Variants in WASF2 observed in about 807,000 individuals in gnomAD.
The protein encoded by WASF2 is actin-binding protein WASF2.
A neutral mutation model predicts 45.0 loss-of-function variants in WASF2; 14 were observed. The ratio of observed to expected loss-of-function variants is 0.31; its 90% CI spans 0.21 to 0.49. The LOEUF is 0.49. Ranked by LOEUF, WASF2 falls within the 20% of genes least tolerant of loss-of-function variation. The pLI is 0.99. For synonymous variants in WASF2, 200 were observed against 236.3 expected (o/e 0.85, Z 1.41); for missense variants, 439 against 636.1 (o/e 0.69, Z 3.33).
intron 1 of WASF2, among the ~76,000 whole-genome samples, chr1:27,451,964 G>A (rs2017389385): frequency 6.6e-6 from 1 of 152,174 alleles, no homozygotes; most frequent in Non-Finnish European, 1.5e-5. Flanking sequence ...ATTAGTAAAA[G>A]TTAAGTGAAT....
intron 1 of WASF2, among the ~76,000 whole-genome samples, chr1:27,482,095 T>C (rs946095051): frequency 6.6e-6 from 1 of 152,240 alleles, no homozygotes; most frequent in African/African-American, 2.4e-5. Context: ...AACTATACAT[T>C]TGAATTCTGT....
intron 1 of WASF2, among the ~76,000 whole-genome samples, chr1:27,447,082 G>C (rs2148122787): frequency 6.6e-6 from 1 of 152,302 alleles, no homozygotes; most frequent in Admixed American, 6.5e-5. Context: ...ATGTCTTCCA[G>C]AATGCAGGGA....
Position 27,405,393 on chromosome 1 carries a change from C to G in WASF2, c.*2796G>C, listed in dbSNP as rs1290803984. On this transcript the variant is annotated 3_prime_UTR_variant, in exon 9 of 9. Coordinates refer to ENST00000618852, the MANE Select transcript of WASF2 (RefSeq NM_006990.5). Reference sequence around the variant, plus strand: ...CAGGGCCACAGGAATGGGGGCAGGTCCCTTGGGCGGGGTGAACCAGGAAGG... The same window carrying G: ...CAGGGCCACAGGAATGGGGGCAGGTGCCTTGGGCGGGGTGAACCAGGAAGG... 4 of 152,268 alleles carry G rather than the reference C, an allele frequency of 2.6e-5. No individual in the cohort carries two copies. The highest frequency in any genetic ancestry group is 5.9e-5 in the Non-Finnish European group (4 of 68,120). The allele number at this position is 152,268 out of a possible 1,614,324, so 9.4% of individuals were successfully genotyped here. A position where few individuals can be genotyped will look rare whatever the true frequency, so the allele number is the denominator to read the frequency against.
At chr1:27,461,927 G>A (rs2017550992) in intron 1 of WASF2, among the ~76,000 whole-genome samples, 1 of 151,414 alleles carries the variant, frequency 6.6e-6, no homozygotes, top group Non-Finnish European at 1.5e-5. Context: ...CTCCCAAAGT[G>A]TGGAGATTAC....
At chr1:27,477,919 TA>T (rs559633033) in intron 1 of WASF2, among the ~76,000 whole-genome samples, 2,847 of 125,676 alleles carry the variant, frequency 0.023, 253 homozygotes, top group Non-Finnish European at 0.027. Flanking sequence ...AATAAATAAA[TA>T]AAAAAAAAAA....
chr1:27,417,109 G>A (rs1279024792), intron 4 of WASF2, among the ~76,000 whole-genome samples: 1 of 152,136 alleles, frequency 6.6e-6, no homozygotes, highest in African/African-American at 2.4e-5. Flanking sequence ...GAGAGGCCAC[G>A]CTAATTCTGA....
chr1:27,487,651 T>A (rs1247246620), intron 1 of WASF2, among the ~76,000 whole-genome samples: 3 of 96,766 alleles, frequency 3.1e-5, no homozygotes, highest in Non-Finnish European at 5.7e-5. Context: ...ATATTATATA[T>A]TATATAATAT....
At chr1:27,443,834 A>AG (rs372255234) in intron 1 of WASF2, among the ~76,000 whole-genome samples, 73 of 150,948 alleles carry the variant, frequency 4.8e-4, no homozygotes, top group Middle Eastern at 3.4e-3. Context: ...GCTGGAGTGC[A>AG]GGGGGGGGTG....
rs559633033 is a variant in WASF2 at position 27,477,919 on chromosome 1, TAA to T, written c.-44+12065_-44+12066del. On this transcript the variant is annotated intron_variant, in intron 1 of 8. Coordinates refer to ENST00000618852, the MANE Select transcript of WASF2 (RefSeq NM_006990.5). Reference sequence around the variant, plus strand: ...GTCTCAAAAAAAAAAAATAAATAAATAAAAAAAAAAATAAAAATAAATAAATC... The same window carrying T: ...GTCTCAAAAAAAAAAAATAAATAAATAAAAAAAAATAAAAATAAATAAATC... Among the ~76,000 whole-genome samples, 22 of 125,718 alleles carry T rather than the reference TAA, an allele frequency of 1.7e-4. 2 individuals carry two copies. The highest frequency in any genetic ancestry group is 4.8e-4 in the Admixed American group (6 of 12,498). 82.5% of individuals were successfully genotyped at this position (125,718 alleles called of 152,430 possible).
intron 2 of WASF2, among the ~76,000 whole-genome samples, chr1:27,425,973 G>A (rs1322799806): frequency 6.6e-6 from 1 of 151,782 alleles, no homozygotes; most frequent in African/African-American, 2.4e-5. Context: ...CCGAGATCTC[G>A]CCATTGCACT....
intron 1 of WASF2, among the ~76,000 whole-genome samples, chr1:27,468,885 T>C (rs1191373412): frequency 7.0e-6 from 1 of 142,096 alleles, no homozygotes; most frequent in East Asian, 2.0e-4. Context: ...ATCGCGCCAC[T>C]GCACTCCAGC....
intron 1 of WASF2, among the ~76,000 whole-genome samples, chr1:27,469,951 A>T (rs2017667808): frequency 6.6e-6 from 1 of 152,194 alleles, no homozygotes. Flanking sequence ...GTCAAAAAAA[A>T]AAAGGTGAAG....
intron 1 of WASF2, among the ~76,000 whole-genome samples, chr1:27,467,820 G>A (rs2017636339): frequency 6.6e-6 from 1 of 151,880 alleles, no homozygotes; most frequent in Non-Finnish European, 1.5e-5. Context: ...GCTGAGGCAG[G>A]AGAATCGCTT....
intron 1 of WASF2, among the ~76,000 whole-genome samples, chr1:27,435,270 A>G (rs2017121530): frequency 7.3e-6 from 1 of 137,416 alleles, no homozygotes; most frequent in Non-Finnish European, 1.6e-5. Flanking sequence ...TTTATATATC[A>G]CCTTTGGTCA....
chr1:27,472,668 AAAAAAAG>A (rs1446639513), intron 1 of WASF2, among the ~76,000 whole-genome samples: 2 of 145,460 alleles, frequency 1.4e-5, no homozygotes, highest in African/African-American at 5.2e-5. Flanking sequence ...AAAAAAAAAA[AAAAAAAG>A]GGGAAATCAG....
intron 3 of WASF2, 121 bp from the exon 4 acceptor site, chr1:27,418,543 C>T: frequency 1.5e-6 from 2 of 1,337,750 alleles, no homozygotes; most frequent in Non-Finnish European, 2.0e-6. Context: ...CGCAGCCAGG[C>T]TTTTTTTTTC....
chr1:27,432,567 G>T (rs2017080271), intron 1 of WASF2, among the ~76,000 whole-genome samples: 1 of 136,842 alleles, frequency 7.3e-6, no homozygotes, highest in Non-Finnish European at 1.5e-5. Flanking sequence ...AGAATGGTGT[G>T]AACCTGGGAG....
rs567398031 is a variant in WASF2, at chr1:27,485,296, T to C, written c.-44+4690A>G. On this transcript the variant is annotated intron_variant, in intron 1 of 8. Coordinates refer to ENST00000618852, the MANE Select transcript of WASF2 (RefSeq NM_006990.5). ...TACAAATTACTATTTAAAGAAGAGG[T>C]GGGGGCAGGGCATGAAGTCTCACAC... Among the ~76,000 whole-genome samples, 44 of 151,252 alleles carry C rather than the reference T, an allele frequency of 2.9e-4. No homozygotes were observed. The South Asian group carries it at 8.8e-3, about 30-fold the overall frequency.
At chr1:27,470,656 G>C in intron 1 of WASF2, among the ~76,000 whole-genome samples, 1 of 151,824 alleles carries the variant, frequency 6.6e-6, no homozygotes, top group African/African-American at 2.4e-5. Context: ...AGTAAGTCAG[G>C]GGATTTGGGG....
Sources: allele counts gnomAD v4.1 joint callset (sites outside exome capture counted in the v4.1 genomes callset), GRCh38; gene constraint gnomAD v4.1.1; transcripts MANE v1.5; gene names NCBI Gene and HGNC (gene_info 2026-07-23, HGNC 2026-07-21).